Variants in SLC24A2 observed in about 807,000 individuals in gnomAD.
SLC24A2 encodes sodium/potassium/calcium exchanger 2.
SLC24A2 carries 36 observed loss-of-function variants against 62.0 expected under a neutral mutation model. That is an observed-to-expected ratio of 0.58 (90% confidence interval 0.44 to 0.77). SLC24A2 has a LOEUF of 0.77. Ranked by LOEUF, SLC24A2 falls within the 30% of genes least tolerant of loss-of-function variation. The pLI, the probability that SLC24A2 is intolerant of heterozygous loss-of-function variation, is 0.00. For synonymous variants in SLC24A2, 358 were observed against 294.0 expected, an observed-to-expected ratio of 1.22 and a Z score of -2.23; for missense variants, 846 against 817.9, an observed-to-expected ratio of 1.03 and a Z score of -0.42.
chr9:19,820,848 C>G, the SLC24A2 span, among the ~76,000 whole-genome samples: 1 of 152,050 alleles, frequency 6.6e-6, no homozygotes. Flanking sequence ...ATGTTCTCAG[C>G]ATATTCCCAT....
At chr9:19,812,613 C>T in the SLC24A2 span, among the ~76,000 whole-genome samples, 1 of 152,036 alleles carries the variant, frequency 6.6e-6, no homozygotes, top group Non-Finnish European at 1.5e-5. Flanking sequence ...TTTGATAACT[C>T]CAATGTAAGA....
intron 2 of SLC24A2, among the ~76,000 whole-genome samples, chr9:19,741,845 C>T (rs1587252922): frequency 1.3e-5 from 2 of 152,284 alleles, no homozygotes; most frequent in African/African-American, 4.8e-5. Context: ...TTCTTATCCC[C>T]ACCCCATGTA....
At chr9:19,825,280 A>G in the SLC24A2 span, among the ~76,000 whole-genome samples, 1 of 152,228 alleles carries the variant, frequency 6.6e-6, no homozygotes, top group Non-Finnish European at 1.5e-5. Context: ...TAGAAAGTCC[A>G]AGATCAGGCT....
chr9:19,636,384 T>TCCC (rs1554690436), intron 2 of SLC24A2, among the ~76,000 whole-genome samples: 30 of 27,944 alleles, frequency 1.1e-3, no homozygotes, highest in Admixed American at 2.5e-3. Context: ...TCTTTCTTTC[T>TCCC]TTCTCCCTCT....
intron 2 of SLC24A2, among the ~76,000 whole-genome samples, chr9:19,764,391 G>A (rs1264050560): frequency 6.6e-6 from 1 of 152,168 alleles, no homozygotes; most frequent in Non-Finnish European, 1.5e-5. Flanking sequence ...TAACTGTGAT[G>A]TTAGAGTGTC....
intron 8 of SLC24A2, among the ~76,000 whole-genome samples, chr9:19,533,405 C>G (rs1387694830): frequency 2.0e-5 from 3 of 152,170 alleles, no homozygotes; most frequent in Non-Finnish European, 2.9e-5. Context: ...CTCCTCTCAT[C>G]AAGAGGTGAG....
the SLC24A2 span, among the ~76,000 whole-genome samples, chr9:19,802,430 C>T: frequency 6.6e-5 from 10 of 152,152 alleles, no homozygotes; most frequent in East Asian, 3.9e-4. Flanking sequence ...GAAGGAACAA[C>T]GAAGTCTGGA....
the SLC24A2 span, among the ~76,000 whole-genome samples, chr9:20,291,328 G>C: frequency 6.6e-6 from 1 of 152,228 alleles, no homozygotes; most frequent in Non-Finnish European, 1.5e-5. Context: ...TGCAGAGAGA[G>C]ATGGCATTTG....
At chr9:20,164,475 C>A in the SLC24A2 span, among the ~76,000 whole-genome samples, 1 of 151,792 alleles carries the variant, frequency 6.6e-6, no homozygotes, top group Non-Finnish European at 1.5e-5. Context: ...ATTAAAAAGT[C>A]AGGAAACAAC....
intron 2 of SLC24A2, among the ~76,000 whole-genome samples, chr9:19,663,293 C>A (rs1417954509): frequency 6.6e-6 from 1 of 152,176 alleles, no homozygotes; most frequent in Non-Finnish European, 1.5e-5. Context: ...GTCCCTGAAG[C>A]TGATCTTTGT....
the SLC24A2 span, among the ~76,000 whole-genome samples, chr9:20,288,035 GAAA>G: frequency 1.2e-4 from 5 of 41,938 alleles, no homozygotes; most frequent in Non-Finnish European, 3.4e-4. Flanking sequence ...GAGGAGTTAG[GAAA>G]AAAACACACA....
At chr9:20,086,472 C>T in the SLC24A2 span, among the ~76,000 whole-genome samples, 1 of 152,270 alleles carries the variant, frequency 6.6e-6, no homozygotes, top group East Asian at 1.9e-4. Flanking sequence ...GGGTAGAATC[C>T]TGATCTTGTT....
At chr9:19,579,364 A>AT (rs1226037504) in intron 5 of SLC24A2, among the ~76,000 whole-genome samples, 3 of 152,194 alleles carry the variant, frequency 2.0e-5, no homozygotes, top group Non-Finnish European at 4.4e-5. Context: ...AGATAAACAG[A>AT]TAATAAGAGT....
At chr9:19,812,655 T>A in the SLC24A2 span, among the ~76,000 whole-genome samples, 2 of 152,174 alleles carry the variant, frequency 1.3e-5, no homozygotes, top group African/African-American at 4.8e-5. Flanking sequence ...GTTGTCTAAT[T>A]TTTCTCTTAA....
At chr9:20,142,779 A>G in the SLC24A2 span, among the ~76,000 whole-genome samples, 2 of 152,018 alleles carry the variant, frequency 1.3e-5, no homozygotes, top group Non-Finnish European at 2.9e-5. Flanking sequence ...TATTTTTTGT[A>G]GAGACGGGGT....
At chr9:19,710,580 A>G (rs77881559) in intron 2 of SLC24A2, among the ~76,000 whole-genome samples, 3,486 of 152,272 alleles carry the variant, frequency 0.023, 70 homozygotes, top group East Asian at 0.1. Flanking sequence ...TCAACAAACT[A>G]AAAGTGCTAG....
At chr9:20,077,454 C>G in the SLC24A2 span, among the ~76,000 whole-genome samples, 2 of 151,876 alleles carry the variant, frequency 1.3e-5, no homozygotes, top group Non-Finnish European at 2.9e-5. Flanking sequence ...TGTTTTAAAA[C>G]AAAGTAGCTA....
At chr9:19,518,524 C>T (rs979557590) in intron 10 of SLC24A2, among the ~76,000 whole-genome samples, 2 of 151,350 alleles carry the variant, frequency 1.3e-5, no homozygotes, top group Admixed American at 6.6e-5. Flanking sequence ...TGGGTTCAAG[C>T]GATTCTCCTG....
chr9:20,016,269 A>G, the SLC24A2 span, among the ~76,000 whole-genome samples: 1 of 152,200 alleles, frequency 6.6e-6, no homozygotes, highest in Non-Finnish European at 1.5e-5. Context: ...AAATATTATT[A>G]CTAGGAAAAA....
Sources: allele counts gnomAD v4.1 joint callset (sites outside exome capture counted in the v4.1 genomes callset), GRCh38; gene constraint gnomAD v4.1.1; transcripts MANE v1.5; gene names NCBI Gene and HGNC (gene_info 2026-07-23, HGNC 2026-07-21).